The following ONECUT2 variants were observed in gnomAD, a reference collection of about 807,000 sequenced individuals.
ONECUT2 encodes the protein one cut domain family member 2.
ONECUT2 carries 10 observed loss-of-function variants against 27.9 expected under a neutral mutation model. The observed-to-expected ratio is 0.36, with a 90% confidence interval of 0.22 to 0.61. ONECUT2 has a LOEUF of 0.61. Ranked by LOEUF, ONECUT2 falls within the 20% of genes least tolerant of loss-of-function variation. The pLI is 0.73. For missense variants in ONECUT2, 686 were observed against 721.0 expected (o/e 0.95, Z 0.56); for synonymous variants, 334 against 315.1 (o/e 1.06, Z -0.64).
At chr18:57,458,264 G>T (rs2050271307) in intron 1 of ONECUT2, among the ~76,000 whole-genome samples, 1 of 152,136 alleles carries the variant, frequency 6.6e-6, no homozygotes, top group African/African-American at 2.4e-5. Flanking sequence ...AGTCCTCTTT[G>T]CCTATCTCCT....
chr18:57,451,838 T>C (rs188883479), intron 1 of ONECUT2, among the ~76,000 whole-genome samples: 352 of 152,248 alleles, frequency 2.3e-3, no homozygotes, highest in Middle Eastern at 0.01. Flanking sequence ...GTTGGTTCCA[T>C]TGGTGAAAGC....
intron 1 of ONECUT2, among the ~76,000 whole-genome samples, chr18:57,460,981 AC>A (rs1302777105): frequency 6.6e-6 from 1 of 152,160 alleles, no homozygotes. Flanking sequence ...CCACGCCTGG[AC>A]CCCAAATCTT....
intron 1 of ONECUT2, among the ~76,000 whole-genome samples, chr18:57,465,343 T>C (rs190227521): frequency 3.3e-5 from 5 of 152,286 alleles, no homozygotes; most frequent in African/African-American, 1.2e-4. Flanking sequence ...TTTGTAGTTT[T>C]TGTAGAGACA....
At chr18:57,457,632 C>T (rs1016537237) in intron 1 of ONECUT2, among the ~76,000 whole-genome samples, 18 of 152,258 alleles carry the variant, frequency 1.2e-4, no homozygotes, top group African/African-American at 4.3e-4. Context: ...CACTGTACTC[C>T]AGCAGCTTAA....
At chr18:57,442,741 T>C (rs1467172145) in intron 1 of ONECUT2, among the ~76,000 whole-genome samples, 4 of 152,156 alleles carry the variant, frequency 2.6e-5, no homozygotes, top group South Asian at 2.1e-4. Flanking sequence ...AATTCCAAGA[T>C]TGGGCAGGAT....
intron 1 of ONECUT2, among the ~76,000 whole-genome samples, chr18:57,447,901 G>A (rs618724): frequency 0.98 from 148,969 of 152,284 alleles, 72,941 homozygotes; most frequent in East Asian, 1. Flanking sequence ...TCTTTTTAAT[G>A]AAAACCTTGC....
chr18:57,470,943 T>C (rs2050350105), intron 1 of ONECUT2, among the ~76,000 whole-genome samples: 1 of 152,160 alleles, frequency 6.6e-6, no homozygotes, highest in East Asian at 1.9e-4. Context: ...AGACTTTTGT[T>C]ACTAGAAGGA....
chr18:57,448,644 A>T (rs1476956524), intron 1 of ONECUT2, among the ~76,000 whole-genome samples: 2 of 152,212 alleles, frequency 1.3e-5, no homozygotes, highest in Admixed American at 6.5e-5. Flanking sequence ...TTCCAGTAAA[A>T]CATGGATTTG....
chr18:57,468,860 A>G (rs1248954006), intron 1 of ONECUT2, among the ~76,000 whole-genome samples: 1 of 152,140 alleles, frequency 6.6e-6, no homozygotes, highest in African/African-American at 2.4e-5. Flanking sequence ...AAGGAATCTT[A>G]TTATTTTTAC....
At chr18:57,439,296 G>A (rs887810460) in intron 1 of ONECUT2, among the ~76,000 whole-genome samples, 2 of 152,224 alleles carry the variant, frequency 1.3e-5, no homozygotes, top group African/African-American at 4.8e-5. Flanking sequence ...TGCCCACGCT[G>A]CTAGATTTTC....
chr18:57,436,419 G>C lies in ONECUT2; in HGVS notation c.703G>C (p.Gly235Arg), dbSNP rs1598927061. Residue 235 changes from glycine (G) to arginine (R), a missense_variant, in exon 1 of 2, where the codon GGG (glycine) becomes CGG (arginine). Gly to Arg is a moderately radical substitution (Grantham distance 125). Coordinates refer to ENST00000491143, the MANE Select transcript of ONECUT2 (RefSeq NM_004852.3). This position sits in a 1 kb window ranked among gnomAD's most constrained non-coding sequence, Gnocchi z 5.9. ...SPLAATPLGNGLGGLHNAQQS... is the reference protein window; with the variant it reads ...SPLAATPLGNRLGGLHNAQQS... ...GCTGGCCGCCACGCCGCTGGGCAAC[G>C]GGCTAGGCGGCCTCCACAACGCGCA... is the stretch of plus-strand genomic sequence containing the variant. 2 of 1,611,616 alleles carry C rather than the reference G, an allele frequency of 1.2e-6. No homozygotes were observed. The highest frequency in any genetic ancestry group is 1.3e-5 in the African/African-American group (1 of 74,938).
chr18:57,473,560 C>T (rs1347941393), intron 1 of ONECUT2, among the ~76,000 whole-genome samples: 1 of 152,166 alleles, frequency 6.6e-6, no homozygotes, highest in Admixed American at 6.5e-5. Flanking sequence ...CAGAGCTTTC[C>T]ATTGCATAAC....
intron 1 of ONECUT2, among the ~76,000 whole-genome samples, chr18:57,466,658 G>A (rs1321633129): frequency 6.6e-6 from 1 of 152,178 alleles, no homozygotes; most frequent in Non-Finnish European, 1.5e-5. Context: ...ATAGGAAGGT[G>A]GGAAATAAAA....
At chr18:57,450,138 C>A (rs2050222093) in intron 1 of ONECUT2, among the ~76,000 whole-genome samples, 1 of 152,130 alleles carries the variant, frequency 6.6e-6, no homozygotes, top group African/African-American at 2.4e-5. Flanking sequence ...ATCTATCATT[C>A]TTTTCTAGCT....
At chr18:57,439,374 G>A (rs1412223010) in intron 1 of ONECUT2, among the ~76,000 whole-genome samples, 1 of 152,226 alleles carries the variant, frequency 6.6e-6, no homozygotes, top group African/African-American at 2.4e-5. Context: ...GAAAAGGCCT[G>A]CTGAGGACCC....
rs971078375 is a variant in ONECUT2, at chr18:57,490,601, C to A, written c.*13878C>A. ...CTCCGTTGACCATATGCTCAAAGAC[C>A]GTACTCTGCCACCTGCCTTCCAGGT... is the stretch of plus-strand genomic sequence containing the variant. On this transcript the variant is annotated 3_prime_UTR_variant, in exon 2 of 2. Transcript: ENST00000491143. The A allele has an allele frequency of 6.6e-6, 1 of 152,086 alleles. No individual in the cohort carries two copies. Among genetic ancestry groups the A allele is most frequent in the South Asian group, 2.1e-4 (1 of 4,832 alleles). The allele number at this position is 152,086 out of a possible 1,614,324, so 9.4% of individuals were successfully genotyped here.
chr18:57,456,573 C>T (rs1472130157), intron 1 of ONECUT2, among the ~76,000 whole-genome samples: 1 of 152,124 alleles, frequency 6.6e-6, no homozygotes, highest in Non-Finnish European at 1.5e-5. Context: ...TACAATGGTG[C>T]TTGCCAGGTG....
At chr18:57,445,597 A>T (rs2050197275) in intron 1 of ONECUT2, among the ~76,000 whole-genome samples, 1 of 152,060 alleles carries the variant, frequency 6.6e-6, no homozygotes, top group Non-Finnish European at 1.5e-5. Flanking sequence ...AATATTAATG[A>T]TTTCGTAGGT....
intron 1 of ONECUT2, among the ~76,000 whole-genome samples, chr18:57,448,746 A>G (rs2144308100): frequency 6.6e-6 from 1 of 152,374 alleles, no homozygotes; most frequent in African/African-American, 2.4e-5. Flanking sequence ...ACTTGTACTG[A>G]ATGCATTTCC....
Sources: gnomAD v4.1 joint callset for allele counts (sites outside exome capture counted in the v4.1 genomes callset) on GRCh38, gnomAD v4.1.1 for gene constraint, Gnocchi (gnomAD v3.1) non-coding constraint, MANE v1.5 for transcripts, NCBI Gene and HGNC (gene_info 2026-07-23, HGNC 2026-07-21) for gene names.